The following PACSIN1 variants were observed in gnomAD, a reference collection of about 807,000 sequenced individuals.
The protein encoded by PACSIN1 is protein kinase C and casein kinase substrate in neurons 1, also known as protein kinase C and casein kinase substrate in neurons protein 1.
In PACSIN1, 15 loss-of-function variants were observed where a neutral mutation model predicts 59.5. The observed-to-expected ratio is 0.25, with a 90% CI of 0.17 to 0.39. The LOEUF (loss-of-function observed/expected upper bound fraction) is 0.39. PACSIN1 is among the 10% of genes least tolerant of loss of function. The probability of loss-of-function intolerance (pLI) is 1.00; values close to 1 mark genes in which losing one functional copy is unlikely to be tolerated. For missense variants in PACSIN1, 420 were observed against 580.2 expected (o/e 0.72, Z 2.84); for synonymous variants, 210 against 220.6 (o/e 0.95, Z 0.42).
At chr6:34,481,368 C>G (rs143954587) in intron 1 of PACSIN1, among the ~76,000 whole-genome samples, 1 of 152,140 alleles carries the variant, frequency 6.6e-6, no homozygotes, top group Non-Finnish European at 1.5e-5. Flanking sequence ...CTTTTTCATA[C>G]GTTCACACGG....
chr6:34,504,246 ATGTG>A (rs372732742), intron 1 of PACSIN1, among the ~76,000 whole-genome samples: 69 of 107,812 alleles, frequency 6.4e-4, no homozygotes, highest in South Asian at 2.1e-3. Context: ...AGACAATGTT[ATGTG>A]TGTGTGTGTG....
Position 34,514,684 on chromosome 6 carries a change from G to A in PACSIN1, c.-63-11559G>A, listed in dbSNP as rs563394698. ...CTGTGGCCGTGAAGTGTATGCATGC[G>A]TGCCCATGTTGATGCGGCGCCGTGC... is the stretch of plus-strand genomic sequence containing the variant. On this transcript the variant is annotated intron_variant, in intron 1 of 9. Coordinates refer to ENST00000244458, the MANE Select transcript of PACSIN1 (RefSeq NM_020804.5). This position sits in a 1 kb window ranked among gnomAD's most constrained non-coding sequence, Gnocchi z 4.4. Among the ~76,000 whole-genome samples the A allele has an allele frequency of 1.3e-5, 2 of 152,316 alleles. No homozygotes were observed. The highest frequency in any genetic ancestry group is 1.9e-4 in the East Asian group (1 of 5,176).
chr6:34,517,770 T>C lies in PACSIN1; in HGVS notation c.-63-8473T>C, dbSNP rs903434860. On this transcript the variant is annotated intron_variant, in intron 1 of 9. Transcript: ENST00000244458. ...TCCCCTCCCCTGCCTTGCTTTCCTTTACAGCCCTTATCACCTTCTAACATC... is the reference window on the plus strand; with the variant it reads ...TCCCCTCCCCTGCCTTGCTTTCCTTCACAGCCCTTATCACCTTCTAACATC... Among the ~76,000 whole-genome samples the C allele has an allele frequency of 2.6e-5, 4 of 152,342 alleles. No homozygotes were observed. The East Asian group carries it at 7.7e-4, about 29-fold the overall frequency.
At chr6:34,522,565 A>G (rs956579309) in intron 1 of PACSIN1, among the ~76,000 whole-genome samples, 2 of 152,190 alleles carry the variant, frequency 1.3e-5, no homozygotes, top group African/African-American at 4.8e-5. Context: ...GGATGGATGG[A>G]TGACAGATGG....
At chr6:34,474,085 A>G (rs1297472066) in intron 1 of PACSIN1, among the ~76,000 whole-genome samples, 1 of 151,984 alleles carries the variant, frequency 6.6e-6, no homozygotes, top group East Asian at 1.9e-4. Context: ...ATCTTTTCTT[A>G]TTCTTTTGCA....
intron 1 of PACSIN1, among the ~76,000 whole-genome samples, chr6:34,483,383 T>A (rs889061443): frequency 4.6e-5 from 7 of 152,172 alleles, no homozygotes; most frequent in African/African-American, 1.7e-4. Flanking sequence ...GACCTTGGGA[T>A]GTAGGACCAA....
At chr6:34,523,894 C>G (rs1767439543) in intron 1 of PACSIN1, among the ~76,000 whole-genome samples, 1 of 152,178 alleles carries the variant, frequency 6.6e-6, no homozygotes, top group Non-Finnish European at 1.5e-5. Context: ...GGGTCAGAAC[C>G]GAGGTTGGAG....
intron 1 of PACSIN1, among the ~76,000 whole-genome samples, chr6:34,513,435 G>A (rs1230434300): frequency 1.3e-5 from 2 of 152,088 alleles, no homozygotes; most frequent in Non-Finnish European, 2.9e-5. Flanking sequence ...CTTGCCCGAG[G>A]CCCTGCAGTG....
chr6:34,482,689 T>G (rs959035658), intron 1 of PACSIN1, among the ~76,000 whole-genome samples: 3 of 151,786 alleles, frequency 2.0e-5, no homozygotes, highest in Admixed American at 2.0e-4. Context: ...TTTTTGTTTT[T>G]TTTTTTTTGA....
chr6:34,479,057 C>T (rs144333969), intron 1 of PACSIN1, among the ~76,000 whole-genome samples: 9 of 152,246 alleles, frequency 5.9e-5, no homozygotes, highest in Non-Finnish European at 1.2e-4. Context: ...ATTCCCACAG[C>T]ACTCCAGCAA....
chr6:34,480,466 T>TCCTC, intron 1 of PACSIN1, among the ~76,000 whole-genome samples: 1 of 151,870 alleles, frequency 6.6e-6, no homozygotes, highest in African/African-American at 2.4e-5. Flanking sequence ...GCTCAAGCAA[T>TCCTC]CTGCCCACCT....
chr6:34,527,489 G>A lies in PACSIN1; in HGVS notation c.220+1G>A. On this transcript the variant is annotated splice_donor_variant, in intron 3 of 9. Coordinates refer to ENST00000244458, the MANE Select transcript of PACSIN1 (RefSeq NM_020804.5). LOFTEE classifies it high-confidence loss of function. ...CGTTGGCGCCAGCTCATCGAGAAAG[G>A]TGCTCCCCCAGGCTCACATCGTGCG... is the stretch of plus-strand genomic sequence containing the variant. 1 of 1,588,492 alleles carries A rather than the reference G, an allele frequency of 6.3e-7. No homozygotes were observed.
intron 1 of PACSIN1, among the ~76,000 whole-genome samples, chr6:34,492,883 T>C (rs2127253802): frequency 6.6e-6 from 1 of 152,278 alleles, no homozygotes; most frequent in East Asian, 1.9e-4. Context: ...CTGGGTGCAA[T>C]ATATACCCAT....
At position 34,478,426 on chromosome 6, in the gene PACSIN1, G is replaced by A. The variant is rs1361885170; in HGVS notation, c.-64+12156G>A. 7.4e-5 allele frequency among the ~76,000 whole-genome samples: 9 copies of A among 122,100 alleles called. No individual in the cohort carries two copies. In the East Asian group the frequency reaches 2.1e-3, roughly 29 times the overall value. 80.1% of individuals were successfully genotyped at this position (122,100 alleles called of 152,430 possible). A position where few individuals can be genotyped will look rare whatever the true frequency, so the allele number is the denominator to read the frequency against. On this transcript the variant is annotated intron_variant, in intron 1 of 9. Transcript: ENST00000244458. ...CTCGCTCTGTCACCCAGGCTGGAGT[G>A]CAGTGGCACGATCTCGGCTCACTTC...
chr6:34,527,451 C>A lies in PACSIN1; in HGVS notation c.183C>A (p.Thr61=). The A allele has an allele frequency of 6.3e-7, 1 of 1,597,326 alleles. No homozygotes were observed. Among genetic ancestry groups the A allele is most frequent in the Non-Finnish European group, 8.5e-7 (1 of 1,173,468 alleles). The change falls in exon 3 of 10, where the codon ACC becomes ACA. Residue 61 remains threonine, a synonymous_variant. Transcript: ENST00000244458. ...KIEKAYGQQL[T]DWAKRWRQLI... ...AGAAGGCGTACGGGCAGCAGCTCAC[C>A]GACTGGGCCAAGCGTTGGCGCCAGC...
chr6:34,507,339 C>G (rs1027323035), intron 1 of PACSIN1, among the ~76,000 whole-genome samples: 3 of 152,096 alleles, frequency 2.0e-5, no homozygotes, highest in Non-Finnish European at 4.4e-5. Context: ...TGTCTTCTCT[C>G]TGCCTTTAAG....
rs1767274171 is a variant in PACSIN1, at chr6:34,515,378, G to A, written c.-63-10865G>A. Among the ~76,000 whole-genome samples the A allele has an allele frequency of 6.6e-6, 1 of 152,226 alleles. No homozygotes were observed. Among genetic ancestry groups the A allele is most frequent in the Non-Finnish European group, 1.5e-5 (1 of 68,026 alleles). The stretch of plus-strand genomic sequence containing the variant: ...CCCCTCCTTGGGGCAGCAGGCCGAG[G>A]GAGGCTGGAGCCTCCAGGGACCCAC... On this transcript the variant is annotated intron_variant, in intron 1 of 9. Transcript: ENST00000244458. This position sits in a 1 kb window ranked among gnomAD's most constrained non-coding sequence, Gnocchi z 4.4.
Position 34,488,153 on chromosome 6 carries a change from C to T in PACSIN1, c.-64+21883C>T, listed in dbSNP as rs60214378. ...TCCCTTTTGAGGGGACCTGGCCCCT[C>T]ATGTCTGAGGGAGTCTGAGTCTCTG... is the stretch of plus-strand genomic sequence containing the variant. On this transcript the variant is annotated intron_variant, in intron 1 of 9. Transcript: ENST00000244458. This position sits in a 1 kb window ranked among gnomAD's most constrained non-coding sequence, Gnocchi z 4.7. Among the ~76,000 whole-genome samples, 1,833 of 152,292 alleles carry T rather than the reference C, an allele frequency of 0.012. 33 individuals carry two copies. Among genetic ancestry groups the T allele is most frequent in the African/African-American group, 0.037 (1,528 of 41,536 alleles).
intron 1 of PACSIN1, among the ~76,000 whole-genome samples, chr6:34,520,108 T>C (rs967504242): frequency 1.3e-5 from 2 of 151,962 alleles, no homozygotes; most frequent in African/African-American, 4.8e-5. Context: ...GAGGATGGCA[T>C]GTGCCCTAGC....
Sources: allele counts gnomAD v4.1 joint callset (sites outside exome capture counted in the v4.1 genomes callset), GRCh38; gene constraint gnomAD v4.1.1; non-coding constraint Gnocchi (gnomAD v3.1); transcripts MANE v1.5; gene names NCBI Gene and HGNC (gene_info 2026-07-23, HGNC 2026-07-21).